NBAS: variants seen among roughly 807,000 people sequenced by gnomAD.
NBAS encodes the protein NBAS subunit of NRZ tethering complex, also known as NAG/BC035112 fusion.
NBAS carries 219 observed loss-of-function variants against 302.5 expected under a neutral mutation model. The ratio of observed to expected loss-of-function variants is 0.72; its 90% CI spans 0.65 to 0.81. The LOEUF is 0.81. NBAS is among the 30% of genes least tolerant of loss of function. The probability of loss-of-function intolerance (pLI) is 0.00; values close to 1 mark genes in which losing one functional copy is unlikely to be tolerated. For missense variants in NBAS, 2,932 were observed against 2,841.6 expected (o/e 1.03, Z -0.72); for synonymous variants, 1,118 against 1,021.6 (o/e 1.09, Z -1.80).
chr2:15,299,388 A>G (rs1404356765), intron 40 of NBAS, among the ~76,000 whole-genome samples: 1 of 152,242 alleles, frequency 6.6e-6, no homozygotes, highest in African/African-American at 2.4e-5. Flanking sequence ...AAAATGCTCA[A>G]TGACTTAATC....
chr2:15,505,398 A>G (rs1240388641), intron 10 of NBAS, among the ~76,000 whole-genome samples: 1 of 152,222 alleles, frequency 6.6e-6, no homozygotes, highest in East Asian at 1.9e-4. Flanking sequence ...TGATATGAAG[A>G]GGCAGGCTTC....
In NBAS at chr2:15,511,924, T is replaced by C. The variant is rs552848839; in HGVS notation, c.747-574A>G. The stretch of plus-strand genomic sequence containing the variant: ...CCAACAGGGCAAACAGCCTAACATA[T>C]ACTAAAAGTTAGAAGACATTACTGT... On this transcript the variant is annotated intron_variant, in intron 9 of 51. Coordinates refer to ENST00000281513, the MANE Select transcript of NBAS (RefSeq NM_015909.4). Among the ~76,000 whole-genome samples the C allele has an allele frequency of 2.4e-4, 37 of 152,302 alleles. No individual in the cohort carries two copies. In the South Asian group the frequency reaches 7.7e-3, roughly 32 times the overall value.
rs1675334241 is a variant in NBAS, at chr2:15,387,067, C to A, written c.3258-3750G>T. On this transcript the variant is annotated intron_variant, in intron 28 of 51. Transcript: ENST00000281513. ...AAATAACAATTCGTAAATAAATGCA[C>A]AATTATAAAGTATTAATTTTTTTTT... 2.7e-5 allele frequency among the ~76,000 whole-genome samples: 4 copies of A among 148,488 alleles called. No individual in the cohort carries two copies. In the Admixed American group the frequency reaches 2.8e-4, roughly 10 times the overall value.
At position 15,423,914 on chromosome 2, in the gene NBAS, G is replaced by C. The variant is rs117064142; in HGVS notation, c.2577+401C>G. ...AGGCATGAACTTCAGGAAAACATTA[G>C]AAACAACTTCAAACAGGGTTCCTGA... On this transcript the variant is annotated intron_variant, in intron 23 of 51. Transcript: ENST00000281513. Among the ~76,000 whole-genome samples the C allele has an allele frequency of 4.2e-3, 645 of 152,318 alleles. 5 individuals are homozygous for C. The highest frequency in any genetic ancestry group is 0.033 in the East Asian group (172 of 5,190).
chr2:15,534,719 AG>A (rs1663402350), intron 8 of NBAS, 78 bp from the exon 9 acceptor site: 10 of 1,082,118 alleles, frequency 9.2e-6, no homozygotes, highest in Admixed American at 1.7e-5. Flanking sequence ...TAAAATGTTT[AG>A]AATTTAAAAG....
At chr2:15,131,762 G>A in the NBAS span, among the ~76,000 whole-genome samples, 4 of 152,294 alleles carry the variant, frequency 2.6e-5, no homozygotes, top group South Asian at 8.3e-4. Flanking sequence ...CAGTTCTGCA[G>A]GATGTACAAG....
chr2:15,318,782 TCC>T (rs1265297311), intron 38 of NBAS, among the ~76,000 whole-genome samples: 3 of 152,048 alleles, frequency 2.0e-5, no homozygotes, highest in African/African-American at 7.3e-5. Context: ...AGACTTAGAC[TCC>T]CACACACTAA....
chr2:14,985,926 A>G, the NBAS span, among the ~76,000 whole-genome samples: 1 of 152,192 alleles, frequency 6.6e-6, no homozygotes, highest in African/African-American at 2.4e-5. Context: ...TGTACTGATG[A>G]TCTAAAACCA....
intron 44 of NBAS, among the ~76,000 whole-genome samples, chr2:15,248,841 T>C (rs951029598): frequency 2.0e-5 from 3 of 151,962 alleles, no homozygotes; most frequent in African/African-American, 7.3e-5. Flanking sequence ...CCAAAAAAAG[T>C]CCAGGACCAG....
Position 15,488,961 on chromosome 2 carries a change from G to A in NBAS, c.1016C>T (p.Ser339Leu). ...AATCGCCCAGATGCTCAGTTTCCCT[G>A]AGAAGTGAATGGCTGCCAGGAGCAT... is the stretch of plus-strand genomic sequence containing the variant. ...DGMLLAAIHF[S>L]GKLSIWAIPS... The change falls in exon 12 of 52, where the codon TCA (serine) becomes TTA (leucine). Residue 339 changes from serine (S) to leucine (L), a missense_variant. Transcript: ENST00000281513. 1.2e-6 allele frequency: 2 copies of A among 1,613,852 alleles called. No homozygotes were observed. Among genetic ancestry groups the A allele is most frequent in the Non-Finnish European group, 8.5e-7 (1 of 1,179,860 alleles).
At chr2:14,887,580 G>A in the NBAS span, among the ~76,000 whole-genome samples, 6 of 151,892 alleles carry the variant, frequency 4.0e-5, no homozygotes, top group African/African-American at 7.3e-5. Context: ...GAACCTTGCC[G>A]TCTTCCCTCT....
chr2:15,021,209 G>T, the NBAS span, among the ~76,000 whole-genome samples: 1 of 151,926 alleles, frequency 6.6e-6, no homozygotes, highest in Non-Finnish European at 1.5e-5. Flanking sequence ...CCCCAGCCTG[G>T]GTGACAGACT....
At chr2:15,551,175 G>C (rs557428401) in intron 6 of NBAS, among the ~76,000 whole-genome samples, 11 of 152,106 alleles carry the variant, frequency 7.2e-5, no homozygotes, top group African/African-American at 2.4e-4. Context: ...CTTCTTACTA[G>C]TCTGTATCTA....
chr2:15,010,203 A>G, the NBAS span, among the ~76,000 whole-genome samples: 6 of 152,190 alleles, frequency 3.9e-5, no homozygotes, highest in East Asian at 9.6e-4. Flanking sequence ...ATTGTCTTCT[A>G]ACACTAATTA....
chr2:15,474,231 T>G lies in NBAS; in HGVS notation c.1435A>C (p.Ile479Leu), dbSNP rs140976519. 4.4e-5 allele frequency: 71 copies of G among 1,613,992 alleles called. No homozygotes were observed. In the African/African-American group the frequency reaches 8.8e-4, roughly 20 times the overall value. The change falls in exon 15 of 52, where the codon ATA becomes CTA. Residue 479 changes from isoleucine (I) to leucine (L), a missense_variant. Transcript: ENST00000281513. ...GEEDSDSDYE[I>L]SAKARYFGYI... ...CCAAAGTAGCGAGCCTTGGCAGATA[T>G]TTCATAATCAGAATCAGAATCCTCT...
intron 44 of NBAS, among the ~76,000 whole-genome samples, chr2:15,244,961 G>T (rs945489195): frequency 2.0e-5 from 3 of 151,962 alleles, no homozygotes; most frequent in Non-Finnish European, 4.4e-5. Flanking sequence ...AATCACACCC[G>T]ATTTTCCAGT....
At chr2:15,403,752 G>C (rs1558308149) in intron 25 of NBAS, among the ~76,000 whole-genome samples, 1 of 152,082 alleles carries the variant, frequency 6.6e-6, no homozygotes, top group South Asian at 2.1e-4. Context: ...AGTTAACCAA[G>C]GTTGCAAAGT....
the NBAS span, among the ~76,000 whole-genome samples, chr2:14,864,828 C>T: frequency 0.19 from 28,504 of 152,008 alleles, 4,050 homozygotes; most frequent in African/African-American, 0.39. Flanking sequence ...GAATTAAATA[C>T]GGTAATACAT....
chr2:15,233,411 A>G (rs1414386889), intron 46 of NBAS, among the ~76,000 whole-genome samples: 1 of 152,216 alleles, frequency 6.6e-6, no homozygotes, highest in African/African-American at 2.4e-5. Flanking sequence ...TCGTATTTTA[A>G]TTATTCATGA....
Sources: allele counts gnomAD v4.1 joint callset (sites outside exome capture counted in the v4.1 genomes callset), GRCh38; gene constraint gnomAD v4.1.1; transcripts MANE v1.5; gene names NCBI Gene and HGNC (gene_info 2026-07-23, HGNC 2026-07-21).